Variants in CARTPT observed in about 807,000 individuals in gnomAD.
CARTPT encodes the protein CART prepropeptide.
In CARTPT, 6 loss-of-function variants were observed where a neutral mutation model predicts 12.2. The observed-to-expected ratio is 0.49, with a 90% confidence interval of 0.27 to 0.97. The LOEUF is 0.97. Among genes scored for constraint, CARTPT ranks in the 50% least tolerant of loss-of-function variants. The pLI is 0.12. For missense variants in CARTPT, 135 were observed against 142.0 expected (o/e 0.95, Z 0.25); for synonymous variants, 75 against 64.1 (o/e 1.17, Z -0.82).
At chr5:71,719,776 T>A in intron 1 of CARTPT, 104 bp from the exon 2 acceptor site, 1 of 1,036,390 alleles carries the variant, frequency 9.6e-7, no homozygotes, top group Non-Finnish European at 1.5e-6. Flanking sequence ...CACCGCAGAG[T>A]GCGTGTGGGT....
In CARTPT at chr5:71,720,606, G is replaced by A. The variant is rs1318224449; in HGVS notation, c.342G>A (p.Lys114=). Residue 114 remains lysine (K), a synonymous_variant, in exon 3 of 3, where the codon AAG becomes AAA. Transcript: ENST00000296777. ...RGTSCNSFLL[K]CL ...CCTCCTGCAATTCCTTCCTCCTGAA[G>A]TGCTTATGAAGGGGCGTCCATTCTC... 2 of 1,607,726 alleles carry A rather than the reference G, an allele frequency of 1.2e-6. No individual in the cohort carries two copies. Among genetic ancestry groups the A allele is most frequent in the Non-Finnish European group, 8.5e-7 (1 of 1,177,162 alleles).
chr5:71,720,492 C>T lies in CARTPT; in HGVS notation c.244-16C>T, dbSNP rs370455415. The T allele has an allele frequency of 1.8e-5, 29 of 1,604,496 alleles. No individual in the cohort carries two copies. In the African/African-American group the frequency reaches 3.7e-4, roughly 21 times the overall value. ...GGTTTGTTCATACTCGATGACCACA[C>T]ATTTTGTTGTTTCAGTGTGACGCCG... On this transcript the variant is annotated splice_polypyrimidine_tract_variant and intron_variant, in intron 2 of 2. Transcript: ENST00000296777.
chr5:71,720,150 G>T (rs1317750345), intron 2 of CARTPT, among the ~76,000 whole-genome samples, 187 bp downstream of exon 2: 3 of 152,090 alleles, frequency 2.0e-5, no homozygotes, highest in African/African-American at 7.2e-5. Flanking sequence ...TTGTAAGAAA[G>T]TGTAAGTCTA....
intron 1 of CARTPT, 28 bp from the exon 2 acceptor site, chr5:71,719,852 C>T (rs777120101): frequency 3.7e-6 from 6 of 1,612,780 alleles, no homozygotes; most frequent in Non-Finnish European, 5.1e-6. Flanking sequence ...AAGGCGGCAA[C>T]TTCAGGCTCC....
chr5:71,719,776 T>C (rs1748669277), intron 1 of CARTPT, 104 bp from the exon 2 acceptor site: 2 of 1,036,390 alleles, frequency 1.9e-6, no homozygotes, highest in East Asian at 4.7e-5. Context: ...CACCGCAGAG[T>C]GCGTGTGGGT....
Position 71,720,483 on chromosome 5 carries a change from A to G in CARTPT, c.244-25A>G, listed in dbSNP as rs1379108610. 5 of 1,596,764 alleles carry G rather than the reference A, an allele frequency of 3.1e-6. No individual in the cohort carries two copies. The Admixed American group carries it at 5.2e-5, about 16-fold the overall frequency. On this transcript the variant is annotated intron_variant, in intron 2 of 2. Coordinates refer to ENST00000296777, the MANE Select transcript of CARTPT (RefSeq NM_004291.4). Reference sequence around the variant, plus strand: ...GGGAACCTGGGTTTGTTCATACTCGATGACCACACATTTTGTTGTTTCAGT... The same window carrying G: ...GGGAACCTGGGTTTGTTCATACTCGGTGACCACACATTTTGTTGTTTCAGT...
At chr5:71,719,480 C>T (rs752823978) in intron 1 of CARTPT, 28 bp downstream of exon 1, 5 of 1,613,604 alleles carry the variant, frequency 3.1e-6, no homozygotes, top group Middle Eastern at 1.7e-4. Flanking sequence ...TCTCGACCCC[C>T]TTGAGCTGTC....
At position 71,720,653 on chromosome 5, in the gene CARTPT, T is replaced by G. The variant is rs1371478938; in HGVS notation, c.*38T>G. The stretch of plus-strand genomic sequence containing the variant: ...TCTCCTCCATACATCCCCATCCCTC[T>G]ACTTTCCCCAGAGGACCACACCTTC... On this transcript the variant is annotated 3_prime_UTR_variant, in exon 3 of 3. Coordinates refer to ENST00000296777, the MANE Select transcript of CARTPT (RefSeq NM_004291.4). The G allele has an allele frequency of 6.6e-7, 1 of 1,505,730 alleles. No homozygotes were observed. The highest frequency in any genetic ancestry group is 1.9e-5 in the Admixed American group (1 of 53,438). The allele number at this position is 1,505,730 out of a possible 1,614,324, so 93.3% of individuals were successfully genotyped here.
intron 2 of CARTPT, 36 bp from the exon 3 acceptor site, chr5:71,720,472 G>T (rs754728014): frequency 1.9e-6 from 3 of 1,576,550 alleles, no homozygotes; most frequent in Non-Finnish European, 2.6e-6. Context: ...ACCTGGGTTT[G>T]TTCATACTCG....
rs1464103963 is a variant in CARTPT, at chr5:71,720,987, C to G, written c.*372C>G. On this transcript the variant is annotated 3_prime_UTR_variant, in exon 3 of 3. Transcript: ENST00000296777. ...ATTACAACCTGGAAAATAAATCACC[C>G]TAAGTGACACAAATTGAAGCATGTA... The G allele has an allele frequency of 3.7e-6, 1 of 268,350 alleles. No individual in the cohort carries two copies. The highest frequency in any genetic ancestry group is 2.2e-5 in the African/African-American group (1 of 45,574). 16.6% of individuals were successfully genotyped at this position (268,350 alleles called of 1,614,324 possible). A position where few individuals can be genotyped will look rare whatever the true frequency, so the allele number is the denominator to read the frequency against.
Position 71,719,915 on chromosome 5 carries a change from G to A in CARTPT, c.195G>A (p.Lys65=). 1 of 1,614,244 alleles carries A rather than the reference G, an allele frequency of 6.2e-7. No individual in the cohort carries two copies. The highest frequency in any genetic ancestry group is 8.5e-7 in the Non-Finnish European group (1 of 1,180,050). ...EALQEVLKKL[K]SKRVPIYEKK... ...TGCAAGAAGTCTTGAAGAAGCTCAA[G>A]AGTAAACGTGTTCCCATCTATGAGA... is the stretch of plus-strand genomic sequence containing the variant. The change falls in exon 2 of 3, where the codon AAG becomes AAA. Residue 65 remains lysine, a synonymous_variant. Coordinates refer to ENST00000296777, the MANE Select transcript of CARTPT (RefSeq NM_004291.4).
chr5:71,720,386 T>C (rs1198506021), intron 2 of CARTPT, 122 bp from the exon 3 acceptor site: 3 of 803,904 alleles, frequency 3.7e-6, no homozygotes, highest in African/African-American at 3.4e-5. Flanking sequence ...CGTAGACCTC[T>C]TGTGATGGTG....
chr5:71,720,988 T>C lies in CARTPT; in HGVS notation c.*373T>C, dbSNP rs76127928. 813 of 270,676 alleles carry C rather than the reference T, an allele frequency of 3.0e-3. 6 individuals carry two copies. Among genetic ancestry groups the C allele is most frequent in the African/African-American group, 0.017 (774 of 45,774 alleles). 16.8% of individuals were successfully genotyped at this position (270,676 alleles called of 1,614,324 possible). On this transcript the variant is annotated 3_prime_UTR_variant, in exon 3 of 3. Transcript: ENST00000296777. ...TTACAACCTGGAAAATAAATCACCC[T>C]AAGTGACACAAATTGAAGCATGTAC...
At position 71,719,980 on chromosome 5, in the gene CARTPT, C is replaced by G. The variant is rs770450979; in HGVS notation, c.243+17C>G. The stretch of plus-strand genomic sequence containing the variant: ...GTCCCCATGGTAAGGTTTGTGGTCA[C>G]TCCCTTCCCGTGTTTTTCCAAGAGA... On this transcript the variant is annotated intron_variant, in intron 2 of 2. Transcript: ENST00000296777. 6.2e-7 allele frequency: 1 copy of G among 1,605,634 alleles called. No homozygotes were observed. The highest frequency in any genetic ancestry group is 1.1e-5 in the South Asian group (1 of 90,944).
rs1162241233 is a variant in CARTPT at position 71,720,268 on chromosome 5, C to T, written c.244-240C>T. ...TTCCCACGCCCCCCAACCCTCGCCA[C>T]TTAAAGGTGGAAGAAACTAGGATAA... On this transcript the variant is annotated intron_variant, in intron 2 of 2. Coordinates refer to ENST00000296777, the MANE Select transcript of CARTPT (RefSeq NM_004291.4). Among the ~76,000 whole-genome samples the T allele has an allele frequency of 2.6e-5, 4 of 152,168 alleles. No individual in the cohort carries two copies. In the South Asian group the frequency reaches 6.2e-4, roughly 24 times the overall value.
intron 2 of CARTPT, among the ~76,000 whole-genome samples, chr5:71,720,203 G>A (rs187466488): frequency 5.3e-5 from 8 of 152,148 alleles, no homozygotes; most frequent in Admixed American, 3.9e-4. Context: ...TTTCCCCTCT[G>A]AGAGGGCAAG....
chr5:71,720,346 A>C (rs1269342724), intron 2 of CARTPT, among the ~76,000 whole-genome samples, 162 bp from the exon 3 acceptor site: 1 of 152,188 alleles, frequency 6.6e-6, no homozygotes, highest in Non-Finnish European at 1.5e-5. Flanking sequence ...GGTTATAAGC[A>C]CAAGGCTCCC....
At chr5:71,720,139 G>T (rs1205917711) in intron 2 of CARTPT, among the ~76,000 whole-genome samples, 176 bp downstream of exon 2, 1 of 152,144 alleles carries the variant, frequency 6.6e-6, no homozygotes, top group Non-Finnish European at 1.5e-5. Context: ...AGGAACAGGG[G>T]TTGTAAGAAA....
intron 1 of CARTPT, 143 bp from the exon 2 acceptor site, chr5:71,719,737 C>T: frequency 1.2e-6 from 1 of 858,594 alleles, no homozygotes; most frequent in Non-Finnish European, 1.9e-6. Context: ...GTTTCCACCC[C>T]TCGACCATTC....
Sources: allele counts gnomAD v4.1 joint callset (sites outside exome capture counted in the v4.1 genomes callset), GRCh38; gene constraint gnomAD v4.1.1; transcripts MANE v1.5; gene names NCBI Gene and HGNC (gene_info 2026-07-23, HGNC 2026-07-21).